Variants in TEAD1 observed in about 807,000 individuals in gnomAD.
TEAD1 encodes transcriptional enhancer factor TEF-1.
Under a neutral mutation model 54.9 loss-of-function variants are expected in TEAD1, and 9 were observed. The observed-to-expected ratio is 0.16, with a 90% CI of 0.10 to 0.29. The LOEUF is 0.29. Among genes scored for constraint, TEAD1 ranks in the 10% least tolerant of loss-of-function variants. The pLI is 1.00. For missense variants in TEAD1, 387 were observed against 535.9 expected (o/e 0.72, Z 2.74); for synonymous variants, 200 against 187.8 (o/e 1.07, Z -0.53).
At chr11:12,783,335 G>T (rs1016217236) in intron 3 of TEAD1, among the ~76,000 whole-genome samples, 2 of 151,978 alleles carry the variant, frequency 1.3e-5, no homozygotes, top group Non-Finnish European at 2.9e-5. Context: ...CTAGAGCCTA[G>T]CCCTCATGCT....
intron 9 of TEAD1, among the ~76,000 whole-genome samples, chr11:12,884,102 A>C (rs1005525965): frequency 1.3e-5 from 2 of 151,808 alleles, no homozygotes; most frequent in African/African-American, 4.8e-5. Context: ...TCTGGACTCT[A>C]TTTGTCACTT....
chr11:12,712,344 C>T (rs1323314317), intron 2 of TEAD1, among the ~76,000 whole-genome samples: 1 of 152,144 alleles, frequency 6.6e-6, no homozygotes, highest in East Asian at 1.9e-4. Flanking sequence ...CTGGCATTGC[C>T]TCTTCCTGTG....
In TEAD1 at chr11:12,943,942, T is replaced by C. The variant is rs935883003; in HGVS notation, c.*6720T>C. Reference sequence around the variant, plus strand: ...AACAAAAACAGTATGTGCCTGAAAATGACAAAAAAAAAATTTGTAACATTT... The same window carrying C: ...AACAAAAACAGTATGTGCCTGAAAACGACAAAAAAAAAATTTGTAACATTT... On this transcript the variant is annotated 3_prime_UTR_variant, in exon 13 of 13. Transcript: ENST00000527636. 3 of 125,826 alleles carry C rather than the reference T, an allele frequency of 2.4e-5. No individual in the cohort carries two copies. The highest frequency in any genetic ancestry group is 1.0e-4 in the African/African-American group (3 of 29,986). The allele number at this position is 125,826 out of a possible 1,614,324, so 7.8% of individuals were successfully genotyped here.
At chr11:12,828,994 T>C (rs1946715942) in intron 3 of TEAD1, among the ~76,000 whole-genome samples, 1 of 152,188 alleles carries the variant, frequency 6.6e-6, no homozygotes, top group East Asian at 1.9e-4. Context: ...TTTTTAAATA[T>C]CGGAAAGAAA....
intron 9 of TEAD1, among the ~76,000 whole-genome samples, chr11:12,889,060 A>G (rs1948146930): frequency 6.6e-6 from 1 of 152,224 alleles, no homozygotes; most frequent in South Asian, 2.1e-4. Context: ...CTTTGGCTCT[A>G]CTGGAAGCTA....
At chr11:12,697,912 A>G (rs1409312121) in intron 2 of TEAD1, among the ~76,000 whole-genome samples, 1 of 151,774 alleles carries the variant, frequency 6.6e-6, no homozygotes, top group Non-Finnish European at 1.5e-5. Flanking sequence ...AATCCCAGCT[A>G]GCTGGGAGAC....
intron 12 of TEAD1, among the ~76,000 whole-genome samples, chr11:12,935,945 A>C (rs1005906796): frequency 2.6e-5 from 4 of 152,140 alleles, no homozygotes; most frequent in Non-Finnish European, 4.4e-5. Context: ...GTACTGCAAG[A>C]CTATTCTTTA....
intron 3 of TEAD1, among the ~76,000 whole-genome samples, chr11:12,804,754 C>T (rs539390169): frequency 6.6e-6 from 1 of 152,132 alleles, no homozygotes; most frequent in Non-Finnish European, 1.5e-5. Context: ...TACTGTATGC[C>T]AGGTACCTTT....
chr11:12,897,182 T>C (rs908985624), intron 9 of TEAD1, among the ~76,000 whole-genome samples: 21 of 152,200 alleles, frequency 1.4e-4, no homozygotes, highest in Admixed American at 3.9e-4. Context: ...CCCCATAGAA[T>C]AGAATTGCCC....
At chr11:12,874,978 T>A (rs11022527) in intron 5 of TEAD1, among the ~76,000 whole-genome samples, 34,370 of 152,098 alleles carry the variant, frequency 0.23, 5,400 homozygotes, top group East Asian at 0.7. Flanking sequence ...AGGATGCAAT[T>A]TTCTTATTCT....
At chr11:12,684,075 CTTG>C (rs1943280855) in intron 2 of TEAD1, among the ~76,000 whole-genome samples, 1 of 152,066 alleles carries the variant, frequency 6.6e-6, no homozygotes, top group Admixed American at 6.5e-5. Context: ...GACAGTGACC[CTTG>C]AGGAACACCC....
chr11:12,902,661 G>A (rs1049803963), intron 10 of TEAD1, among the ~76,000 whole-genome samples: 4 of 152,120 alleles, frequency 2.6e-5, no homozygotes, highest in Admixed American at 6.5e-5. Flanking sequence ...ACCTGCTAGC[G>A]CTGCGAGTTT....
intron 3 of TEAD1, among the ~76,000 whole-genome samples, chr11:12,843,192 A>G (rs563455103): frequency 1.3e-5 from 2 of 152,308 alleles, no homozygotes; most frequent in East Asian, 3.9e-4. Flanking sequence ...GAGGGTGCAC[A>G]TAGATCTTGC....
chr11:12,868,602 A>G (rs1378933564), intron 5 of TEAD1, among the ~76,000 whole-genome samples: 1 of 152,200 alleles, frequency 6.6e-6, no homozygotes, highest in Non-Finnish European at 1.5e-5. Flanking sequence ...AGTTGTTCTC[A>G]ATGTGCTTGT....
chr11:12,801,380 G>A (rs534484013), intron 3 of TEAD1, among the ~76,000 whole-genome samples: 7 of 152,346 alleles, frequency 4.6e-5, no homozygotes, highest in Non-Finnish European at 1.0e-4. Flanking sequence ...GGCTGCAGAT[G>A]TAGAAACTAG....
At chr11:12,725,343 G>T (rs1460137008) in intron 2 of TEAD1, among the ~76,000 whole-genome samples, 1 of 152,142 alleles carries the variant, frequency 6.6e-6, no homozygotes, top group Non-Finnish European at 1.5e-5. Flanking sequence ...AGGACAAAAT[G>T]AAACTTTTTC....
At chr11:12,883,708 A>G (rs530440807) in intron 9 of TEAD1, among the ~76,000 whole-genome samples, 1 of 152,156 alleles carries the variant, frequency 6.6e-6, no homozygotes, top group Non-Finnish European at 1.5e-5. Context: ...TTCTCTTCTT[A>G]AGAACAACTT....
At chr11:12,796,681 G>A (rs892294975) in intron 3 of TEAD1, among the ~76,000 whole-genome samples, 1 of 151,170 alleles carries the variant, frequency 6.6e-6, no homozygotes, top group East Asian at 1.9e-4. Flanking sequence ...AGCCATGATC[G>A]CACCACTGCA....
chr11:12,701,280 G>T (rs958143992), intron 2 of TEAD1, among the ~76,000 whole-genome samples: 2 of 151,926 alleles, frequency 1.3e-5, no homozygotes, highest in Non-Finnish European at 2.9e-5. Context: ...ACTATTGAAA[G>T]TCAGCCAAAA....
Sources: allele counts gnomAD v4.1 joint callset (sites outside exome capture counted in the v4.1 genomes callset), GRCh38; gene constraint gnomAD v4.1.1; transcripts MANE v1.5; gene names NCBI Gene and HGNC (gene_info 2026-07-23, HGNC 2026-07-21).